Variants in TBC1D2 observed in about 807,000 individuals in gnomAD.
TBC1D2 encodes TBC1 domain family member 2.
In TBC1D2, 58 loss-of-function variants were observed where a neutral mutation model predicts 91.1. That is an observed-to-expected ratio of 0.64 (90% CI 0.52 to 0.79). TBC1D2 has a LOEUF of 0.79. Among genes scored for constraint, TBC1D2 ranks in the 30% least tolerant of loss-of-function variants. The pLI, the probability that TBC1D2 is intolerant of heterozygous loss-of-function variation, is 0.00. For synonymous variants in TBC1D2, 482 were observed against 511.5 expected (o/e 0.94, Z 0.78); for missense variants, 1,080 against 1,208.3 (o/e 0.89, Z 1.57).
In TBC1D2 at chr9:98,203,068, C is replaced by T. The variant is rs548644293; in HGVS notation, c.2271+220G>A. Among the ~76,000 whole-genome samples the T allele has an allele frequency of 4.1e-4, 62 of 152,380 alleles. No individual in the cohort carries two copies. The South Asian group carries it at 0.011, about 27-fold the overall frequency. On this transcript the variant is annotated intron_variant, in intron 10 of 12. Coordinates refer to ENST00000465784, the MANE Select transcript of TBC1D2 (RefSeq NM_001267571.2). Reference sequence around the variant, plus strand: ...CAGGGAGCTAGGAGCCTGAACCCTGCGGTACTGCCTTGTCATTCACTATCT... The same window carrying T: ...CAGGGAGCTAGGAGCCTGAACCCTGTGGTACTGCCTTGTCATTCACTATCT...
At chr9:98,231,220 G>A (rs997267828) in intron 4 of TBC1D2, among the ~76,000 whole-genome samples, 4 of 150,864 alleles carry the variant, frequency 2.7e-5, no homozygotes, top group South Asian at 2.1e-4. Context: ...ACTGGGAGAG[G>A]AAGGTGGAGT....
At chr9:98,245,010 GC>G (rs1463680571) in intron 2 of TBC1D2, among the ~76,000 whole-genome samples, 3 of 151,190 alleles carry the variant, frequency 2.0e-5, no homozygotes, top group Non-Finnish European at 4.4e-5. Context: ...GGAGGCTGAG[GC>G]AGGCAGATCA....
At chr9:98,229,209 G>A in intron 4 of TBC1D2, 61 bp from the exon 5 acceptor site, 5 of 1,538,426 alleles carry the variant, frequency 3.3e-6, no homozygotes, top group Non-Finnish European at 3.6e-6. Flanking sequence ...TCAAACCTGA[G>A]CTTGCTTTAG....
chr9:98,210,663 G>C lies in TBC1D2; in HGVS notation c.1666C>G (p.Pro556Ala). 6.3e-7 allele frequency: 1 copy of C among 1,591,692 alleles called. No homozygotes were observed. The highest frequency in any genetic ancestry group is 1.1e-5 in the South Asian group (1 of 88,594). Residue 556 changes from proline (P) to alanine (A), a missense_variant, in exon 8 of 13, where the codon CCC (proline) becomes GCC (alanine). Physicochemically the swap from Pro to Ala is conservative, Grantham distance 27. Coordinates refer to ENST00000465784, the MANE Select transcript of TBC1D2 (RefSeq NM_001267571.2). ...EASSDSIELSPISKYDEYGFL... is the reference protein window; with the variant it reads ...EASSDSIELSAISKYDEYGFL... ...CTGGGCCGCCAGGCTCACCTGATGGGGCTCAGCTCGATGCTGTCAGATGAG... is the reference window on the plus strand; with the variant it reads ...CTGGGCCGCCAGGCTCACCTGATGGCGCTCAGCTCGATGCTGTCAGATGAG...
At chr9:98,234,931 C>A (rs1588055293) in intron 3 of TBC1D2, 1 of 183,676 alleles carries the variant, frequency 5.4e-6, no homozygotes, top group South Asian at 1.2e-4. Context: ...TATGGCTGGG[C>A]ACGGTGGCTC....
chr9:98,213,456 T>C, intron 6 of TBC1D2: 4 of 1,317,562 alleles, frequency 3.0e-6, no homozygotes, highest in Non-Finnish European at 3.9e-6. Context: ...GCTGATGTTC[T>C]GGCTGGAAGG....
chr9:98,205,514 G>T (rs1828625565), intron 9 of TBC1D2, among the ~76,000 whole-genome samples: 1 of 152,158 alleles, frequency 6.6e-6, no homozygotes, highest in Non-Finnish European at 1.5e-5. Flanking sequence ...TAGAGGCAGG[G>T]TCTGTCATCT....
At chr9:98,234,113 G>A (rs1055062557) in intron 3 of TBC1D2, among the ~76,000 whole-genome samples, 1 of 152,100 alleles carries the variant, frequency 6.6e-6, no homozygotes, top group African/African-American at 2.4e-5. Context: ...AGCCTTCACT[G>A]ACCATCTCAT....
intron 7 of TBC1D2, among the ~76,000 whole-genome samples, chr9:98,211,251 A>G (rs1828829890): frequency 6.6e-6 from 1 of 152,234 alleles, no homozygotes; most frequent in Non-Finnish European, 1.5e-5. Flanking sequence ...GGATCAGATG[A>G]GCGGATGTGT....
In TBC1D2 at chr9:98,199,717, G is replaced by A. The variant is rs1052909493; in HGVS notation, c.2580-129C>T. ...TGAGCCCTGACCCCTGCCCTCAGGA[G>A]GAAACAATGAATAAGATGATTTCCA... is the stretch of plus-strand genomic sequence containing the variant. On this transcript the variant is annotated intron_variant, in intron 12 of 12. Transcript: ENST00000465784. 2.5e-4 allele frequency: 228 copies of A among 903,260 alleles called. 1 individual carries two copies. The highest frequency in any genetic ancestry group is 3.8e-4 in the Non-Finnish European group (211 of 561,422). The allele number at this position is 903,260 out of a possible 1,614,324, so 56.0% of individuals were successfully genotyped here. A position where few individuals can be genotyped will look rare whatever the true frequency, so the allele number is the denominator to read the frequency against.
At chr9:98,243,947 G>A in intron 3 of TBC1D2, 47 bp downstream of exon 3, 1 of 1,574,986 alleles carries the variant, frequency 6.3e-7, no homozygotes. Context: ...CTCCACTGAA[G>A]GGGCTGCCTG....
intron 9 of TBC1D2, among the ~76,000 whole-genome samples, chr9:98,208,019 G>A (rs770281549): frequency 6.6e-6 from 1 of 152,182 alleles, no homozygotes; most frequent in Non-Finnish European, 1.5e-5. Context: ...GGGTTTCACT[G>A]AAAGCGAATG....
intron 6 of TBC1D2, among the ~76,000 whole-genome samples, chr9:98,220,440 G>A (rs1329142546): frequency 1.3e-5 from 2 of 152,200 alleles, no homozygotes; most frequent in Non-Finnish European, 2.9e-5. Context: ...AGGACTGTGG[G>A]GGGAGGGTCG....
At chr9:98,235,227 TAGG>T in intron 3 of TBC1D2, 1 of 300,238 alleles carries the variant, frequency 3.3e-6, no homozygotes, top group South Asian at 3.8e-5. Flanking sequence ...ATCTGGGACA[TAGG>T]AGGACAACCC....
chr9:98,233,881 C>T (rs192664475), intron 3 of TBC1D2, among the ~76,000 whole-genome samples: 1 of 152,208 alleles, frequency 6.6e-6, no homozygotes, highest in Non-Finnish European at 1.5e-5. Flanking sequence ...ACCTACAATG[C>T]CTAAACGGTG....
intron 9 of TBC1D2, among the ~76,000 whole-genome samples, chr9:98,206,848 A>G (rs1041267788): frequency 1.3e-5 from 2 of 152,240 alleles, no homozygotes; most frequent in African/African-American, 4.8e-5. Context: ...AGAGGCCCCC[A>G]TTATGCTTTA....
At chr9:98,205,850 CGG>C (rs1412830684) in intron 9 of TBC1D2, among the ~76,000 whole-genome samples, 2 of 152,150 alleles carry the variant, frequency 1.3e-5, no homozygotes, top group Admixed American at 1.3e-4. Flanking sequence ...GCGTGAGCCA[CGG>C]CGCCGGGCCC....
rs879368 is a variant in TBC1D2, at chr9:98,233,476, G to T, written c.721C>A (p.Pro241Thr). 0.26 allele frequency: 424,217 copies of T among 1,613,934 alleles called. 56,787 individuals are homozygous for T. The highest frequency in any genetic ancestry group is 0.28 in the Middle Eastern group (1,695 of 6,060). Residue 241 changes from proline to threonine, a missense_variant, in exon 4 of 13, where the codon CCA becomes ACA. By Grantham distance (38) the Pro-to-Thr change is conservative (BLOSUM62 -1). Coordinates refer to ENST00000465784, the MANE Select transcript of TBC1D2 (RefSeq NM_001267571.2). ...TCCCTCTGAGGCTCCCCACTCTGTG[G>T]AGAATCTTCCCCTGGAGGTTCATGG... ...TGHEPPGEDS[P>T]QSGEPQREEQ...
intron 9 of TBC1D2, among the ~76,000 whole-genome samples, chr9:98,205,830 G>A (rs1828637419): frequency 6.6e-6 from 1 of 152,108 alleles, no homozygotes; most frequent in South Asian, 2.1e-4. Flanking sequence ...TCAAAATGCG[G>A]GAATTACAGG....
Sources: allele counts gnomAD v4.1 joint callset (sites outside exome capture counted in the v4.1 genomes callset), GRCh38; gene constraint gnomAD v4.1.1; transcripts MANE v1.5; gene names NCBI Gene and HGNC (gene_info 2026-07-23, HGNC 2026-07-21).